MAGI3: variants seen among roughly 807,000 people sequenced by gnomAD.
MAGI3 encodes the protein membrane associated guanylate kinase, WW and PDZ domain containing 3.
MAGI3 carries 43 observed loss-of-function variants against 121.8 expected under a neutral mutation model. That is an observed-to-expected ratio of 0.35 (90% CI 0.28 to 0.46). The LOEUF (loss-of-function observed/expected upper bound fraction) is 0.46. MAGI3 is among the 20% of genes least tolerant of loss of function. MAGI3 has a pLI of 1.00. For synonymous variants in MAGI3, 553 were observed against 639.3 expected (o/e 0.86, Z 2.04); for missense variants, 1,547 against 1,797.3 (o/e 0.86, Z 2.52).
chr1:113,675,464 T>A (rs1647813236), intron 19 of MAGI3, among the ~76,000 whole-genome samples: 1 of 152,106 alleles, frequency 6.6e-6, no homozygotes, highest in Non-Finnish European at 1.5e-5. Flanking sequence ...ACTGATGGTG[T>A]AGTAAGTTGG....
At chr1:113,585,352 A>T (rs906431032) in intron 3 of MAGI3, 35 bp from the exon 4 acceptor site, 2 of 1,590,700 alleles carry the variant, frequency 1.3e-6, no homozygotes, top group Non-Finnish European at 8.6e-7. Flanking sequence ...TCACTGCAAC[A>T]TTAGTAATTT....
At chr1:113,614,559 A>G (rs375989719) in intron 6 of MAGI3, 42 bp from the exon 7 acceptor site, 10 of 1,420,320 alleles carry the variant, frequency 7.0e-6, no homozygotes, top group Non-Finnish European at 9.9e-6. Context: ...CTTTTCTGTC[A>G]GTTTTGAATC....
intron 2 of MAGI3, among the ~76,000 whole-genome samples, chr1:113,557,635 A>G (rs535156989): frequency 4.6e-5 from 7 of 152,306 alleles, no homozygotes; most frequent in Admixed American, 2.0e-4. Context: ...GGGCTCGTCA[A>G]CGGGTCCAAC....
At chr1:113,417,653 C>A (rs559453253) in intron 1 of MAGI3, among the ~76,000 whole-genome samples, 1 of 152,140 alleles carries the variant, frequency 6.6e-6, no homozygotes, top group Admixed American at 6.6e-5. Flanking sequence ...TCAGTTTCTT[C>A]TCATGATCTC....
intron 2 of MAGI3, among the ~76,000 whole-genome samples, chr1:113,571,929 C>T (rs1475338455): frequency 5.3e-5 from 8 of 152,092 alleles, no homozygotes; most frequent in Admixed American, 2.6e-4. Flanking sequence ...TCCAATACTA[C>T]GTTGAATAGG....
At chr1:113,660,389 C>A (rs1484240058) in intron 16 of MAGI3, among the ~76,000 whole-genome samples, 2 of 152,094 alleles carry the variant, frequency 1.3e-5, no homozygotes, top group Non-Finnish European at 2.9e-5. Flanking sequence ...TGTGATTTTG[C>A]TCTCAGCCTT....
chr1:113,395,021 G>C (rs1398727545), intron 1 of MAGI3, among the ~76,000 whole-genome samples: 1 of 147,358 alleles, frequency 6.8e-6, no homozygotes, highest in Non-Finnish European at 1.5e-5. Flanking sequence ...TTTAAAATAG[G>C]AAATATTTAT....
chr1:113,441,413 C>T lies in MAGI3; in HGVS notation c.316+50064C>T, dbSNP rs115296034. ...GCCAGTGATTGGGAGGATATGTTAC[C>T]CAATGCTCGCTTGGGTTCTGGGATG... On this transcript the variant is annotated intron_variant, in intron 1 of 20. Transcript: ENST00000307546. Among the ~76,000 whole-genome samples the T allele has an allele frequency of 1.7e-3, 266 of 152,168 alleles. 1 individual carries two copies. Among genetic ancestry groups the T allele is most frequent in the African/African-American group, 6.3e-3 (261 of 41,498 alleles).
chr1:113,568,385 T>A (rs186422454), intron 2 of MAGI3, among the ~76,000 whole-genome samples: 254 of 152,234 alleles, frequency 1.7e-3, no homozygotes, highest in Non-Finnish European at 3.1e-3. Flanking sequence ...TTCTTATTCA[T>A]GAATTAAAGG....
chr1:113,617,545 A>C (rs1330429559), intron 7 of MAGI3, among the ~76,000 whole-genome samples: 1 of 152,124 alleles, frequency 6.6e-6, no homozygotes, highest in Non-Finnish European at 1.5e-5. Context: ...TTCTTTTGTC[A>C]AATTTTTAGG....
At chr1:113,649,708 T>C (rs1406665196) in intron 13 of MAGI3, among the ~76,000 whole-genome samples, 1 of 152,240 alleles carries the variant, frequency 6.6e-6, no homozygotes, top group Non-Finnish European at 1.5e-5. Context: ...ATCTTCTGGA[T>C]GCTCCATAAA....
At chr1:113,452,979 C>A (rs777561130) in intron 1 of MAGI3, among the ~76,000 whole-genome samples, 1 of 152,164 alleles carries the variant, frequency 6.6e-6, no homozygotes, top group Non-Finnish European at 1.5e-5. Context: ...CAAATTGATA[C>A]ATTCCACTGT....
intron 6 of MAGI3, among the ~76,000 whole-genome samples, chr1:113,602,709 ATTGC>A (rs1472858259): frequency 4.6e-5 from 7 of 152,186 alleles, no homozygotes; most frequent in Admixed American, 6.6e-5. Context: ...AGGCAGGCAG[ATTGC>A]TTGGTAATTT....
chr1:113,622,786 C>T lies in MAGI3; in HGVS notation c.1172-20C>T. The T allele has an allele frequency of 6.5e-7, 1 of 1,549,064 alleles. No homozygotes were observed. Among genetic ancestry groups the T allele is most frequent in the Non-Finnish European group, 8.6e-7 (1 of 1,157,608 alleles). Reference sequence around the variant, plus strand: ...TTGTAATTATTTTTGTTCTCAAACCCACTTCTCATTTTGGCACAGATATGG... The same window carrying T: ...TTGTAATTATTTTTGTTCTCAAACCTACTTCTCATTTTGGCACAGATATGG... On this transcript the variant is annotated intron_variant, in intron 8 of 20. Coordinates refer to ENST00000307546, the MANE Select transcript of MAGI3 (RefSeq NM_001142782.2).
intron 6 of MAGI3, among the ~76,000 whole-genome samples, chr1:113,606,986 T>A (rs1649813567): frequency 6.6e-6 from 1 of 152,180 alleles, no homozygotes; most frequent in South Asian, 2.1e-4. Flanking sequence ...ATTATTCATT[T>A]ATTCTTTCTC....
intron 1 of MAGI3, among the ~76,000 whole-genome samples, chr1:113,435,064 A>G (rs542707818): frequency 3.9e-5 from 6 of 152,294 alleles, no homozygotes; most frequent in Admixed American, 3.9e-4. Flanking sequence ...AAGTTAATAT[A>G]CTATTTTCCT....
intron 1 of MAGI3, among the ~76,000 whole-genome samples, chr1:113,423,428 C>T (rs977595933): frequency 1.3e-5 from 2 of 152,040 alleles, no homozygotes; most frequent in East Asian, 1.9e-4. Context: ...CCCGCCACTA[C>T]GCCCAGCTAA....
chr1:113,563,795 T>TC (rs577347201), intron 2 of MAGI3, among the ~76,000 whole-genome samples: 92 of 152,196 alleles, frequency 6.0e-4, no homozygotes, highest in Non-Finnish European at 9.0e-4. Flanking sequence ...CTGGCGAATT[T>TC]CACTGATACC....
chr1:113,448,088 T>G (rs1156897240), intron 1 of MAGI3, among the ~76,000 whole-genome samples: 2 of 152,176 alleles, frequency 1.3e-5, no homozygotes, highest in Non-Finnish European at 2.9e-5. Flanking sequence ...CTTTTAATTA[T>G]TTTCTTTAAC....
Sources: allele counts gnomAD v4.1 joint callset (sites outside exome capture counted in the v4.1 genomes callset), GRCh38; gene constraint gnomAD v4.1.1; transcripts MANE v1.5; gene names NCBI Gene and HGNC (gene_info 2026-07-23, HGNC 2026-07-21).